Variants in CDCA2 observed in about 807,000 individuals in gnomAD.
The protein encoded by CDCA2 is cell division cycle associated 2.
A neutral mutation model predicts 67.0 loss-of-function variants in CDCA2; 44 were observed. The ratio of observed to expected loss-of-function variants is 0.66; its 90% CI spans 0.52 to 0.84. The LOEUF (loss-of-function observed/expected upper bound fraction) is 0.84. Ranked by LOEUF, CDCA2 falls within the 40% of genes least tolerant of loss-of-function variation. The pLI, the probability that CDCA2 is intolerant of heterozygous loss-of-function variation, is 0.00. For missense variants in CDCA2, 1,253 were observed against 1,203.2 expected, an observed-to-expected ratio of 1.04 and a Z score of -0.61; for synonymous variants, 447 against 418.7, an observed-to-expected ratio of 1.07 and a Z score of -0.82.
chr8:25,474,386 G>A (rs1803269071), intron 7 of CDCA2, among the ~76,000 whole-genome samples: 1 of 152,216 alleles, frequency 6.6e-6, no homozygotes. Flanking sequence ...ATGGAAGTCA[G>A]CAATAAAGCC....
intron 13 of CDCA2, among the ~76,000 whole-genome samples, chr8:25,500,166 ATTCG>A (rs1804416007): frequency 6.6e-6 from 1 of 151,522 alleles, no homozygotes; most frequent in African/African-American, 2.4e-5. Context: ...TCATTCATTC[ATTCG>A]TATTTGTGGA....
chr8:25,469,058 G>T (rs1230558546), intron 6 of CDCA2, among the ~76,000 whole-genome samples: 1 of 152,242 alleles, frequency 6.6e-6, no homozygotes, highest in Non-Finnish European at 1.5e-5. Context: ...GCGCACGCGT[G>T]AATGGAGAGC....
chr8:25,473,996 AGAATAATTAT>A (rs1803256367), intron 7 of CDCA2, among the ~76,000 whole-genome samples: 1 of 152,224 alleles, frequency 6.6e-6, no homozygotes, highest in Non-Finnish European at 1.5e-5. Flanking sequence ...AGAGGGCCAA[AGAATAATTAT>A]GAATAATTTC....
intron 7 of CDCA2, among the ~76,000 whole-genome samples, chr8:25,471,833 G>A (rs1303251864): frequency 6.6e-6 from 1 of 152,158 alleles, no homozygotes; most frequent in Non-Finnish European, 1.5e-5. Flanking sequence ...ATTTTATTTA[G>A]GCATGCCATG....
intron 3 of CDCA2, among the ~76,000 whole-genome samples, chr8:25,460,939 A>ATAATAC (rs1238052446): frequency 8.5e-5 from 13 of 152,208 alleles, no homozygotes; most frequent in Non-Finnish European, 1.8e-4. Flanking sequence ...TTAAGAAAAT[A>ATAATAC]TAATACTGAA....
At chr8:25,484,834 A>G (rs1288568745) in intron 10 of CDCA2, among the ~76,000 whole-genome samples, 1 of 152,142 alleles carries the variant, frequency 6.6e-6, no homozygotes, top group African/African-American at 2.4e-5. Flanking sequence ...ATTCTACACA[A>G]GTGTTTCCAC....
intron 9 of CDCA2, among the ~76,000 whole-genome samples, 178 bp from the exon 10 acceptor site, chr8:25,483,788 G>T (rs993609199): frequency 6.6e-6 from 1 of 152,120 alleles, no homozygotes; most frequent in East Asian, 1.9e-4. Flanking sequence ...AATTGGAAAT[G>T]TGCTTATCTT....
Position 25,497,067 on chromosome 8 carries a change from G to A in CDCA2, c.1672-6306G>A, listed in dbSNP as rs979589721. On this transcript the variant is annotated intron_variant, in intron 13 of 14. Transcript: ENST00000330560. The stretch of plus-strand genomic sequence containing the variant: ...TGGTAAACTCTGGTGAGTGATGGTG[G>A]TAGTTAAATTTAGTCTTACAGTCCC... 1.3e-5 allele frequency among the ~76,000 whole-genome samples: 2 copies of A among 152,092 alleles called. 1 individual carries two copies. The highest frequency in any genetic ancestry group is 2.9e-5 in the Non-Finnish European group (2 of 67,994).
At chr8:25,478,888 G>GTGTA (rs1006353040) in intron 7 of CDCA2, among the ~76,000 whole-genome samples, 4 of 111,596 alleles carry the variant, frequency 3.6e-5, no homozygotes, top group South Asian at 2.8e-4. Flanking sequence ...TTGTGTGTGT[G>GTGTA]TATATATATA....
At chr8:25,490,087 T>G (rs951000818) in intron 13 of CDCA2, among the ~76,000 whole-genome samples, 1 of 152,172 alleles carries the variant, frequency 6.6e-6, no homozygotes, top group Non-Finnish European at 1.5e-5. Flanking sequence ...CCTGCTTTAG[T>G]TCCTTTTTAG....
chr8:25,487,207 G>C (rs1332210637), intron 11 of CDCA2, 39 bp from the exon 12 acceptor site: 3 of 1,277,406 alleles, frequency 2.3e-6, no homozygotes. Context: ...TATAGTTTTT[G>C]GTTTCCTACC....
chr8:25,487,593 A>G (rs1417715357), intron 12 of CDCA2, among the ~76,000 whole-genome samples: 2 of 152,148 alleles, frequency 1.3e-5, no homozygotes, highest in Non-Finnish European at 2.9e-5. Context: ...TACCAAAAAA[A>G]TTAGCCGGAC....
chr8:25,502,831 C>A (rs896349180), intron 13 of CDCA2, among the ~76,000 whole-genome samples: 4 of 152,134 alleles, frequency 2.6e-5, no homozygotes, highest in African/African-American at 7.2e-5. Flanking sequence ...AGCTACCATA[C>A]AATTTATAAA....
At chr8:25,483,058 G>C (rs1803630868) in intron 8 of CDCA2, among the ~76,000 whole-genome samples, 1 of 152,134 alleles carries the variant, frequency 6.6e-6, no homozygotes, top group Non-Finnish European at 1.5e-5. Context: ...ATCTCCCATA[G>C]ATATTGAGCA....
intron 13 of CDCA2, among the ~76,000 whole-genome samples, chr8:25,489,564 G>A (rs1349840413): frequency 6.6e-6 from 1 of 152,048 alleles, no homozygotes; most frequent in Non-Finnish European, 1.5e-5. Context: ...CAGGAGTTGG[G>A]GATAGTACTA....
chr8:25,467,018 G>A (rs1479219422), intron 5 of CDCA2, among the ~76,000 whole-genome samples: 2 of 125,772 alleles, frequency 1.6e-5, no homozygotes, highest in Admixed American at 1.0e-4. Flanking sequence ...CTCCAGCCTG[G>A]GCGAAGAAGT....
intron 7 of CDCA2, among the ~76,000 whole-genome samples, chr8:25,473,159 C>G (rs138397984): frequency 5.3e-5 from 8 of 152,330 alleles, no homozygotes; most frequent in African/African-American, 1.9e-4. Flanking sequence ...CTTCCAGATT[C>G]ATCCATGTTG....
chr8:25,505,402 T>C (rs1403153761), intron 14 of CDCA2, among the ~76,000 whole-genome samples: 2 of 152,118 alleles, frequency 1.3e-5, no homozygotes, highest in Non-Finnish European at 2.9e-5. Flanking sequence ...GGTTTCACCA[T>C]GTTGGCCAGG....
rs754934217 is a variant in CDCA2 at position 25,466,259 on chromosome 8, A to G, written c.472A>G (p.Asn158Asp). ...FQSAFHSIKE[N>D]EKMTGCLEFS... is the part of the protein sequence containing the mutation. ...GTCAGCTTTTCACTCCATAAAGGAA[A>G]ACGAGAAAATGACCGGCTGTCTGGA... is the stretch of plus-strand genomic sequence containing the variant. Residue 158 changes from asparagine (N) to aspartate (D), a missense_variant, in exon 5 of 15, where the codon AAC becomes GAC. Asn to Asp is a conservative substitution (Grantham distance 23). Transcript: ENST00000330560. 3 of 1,610,918 alleles carry G rather than the reference A, an allele frequency of 1.9e-6. No homozygotes were observed. Among genetic ancestry groups the G allele is most frequent in the Admixed American group, 3.4e-5 (2 of 58,860 alleles).
Sources: allele counts gnomAD v4.1 joint callset (sites outside exome capture counted in the v4.1 genomes callset), GRCh38; gene constraint gnomAD v4.1.1; transcripts MANE v1.5; gene names NCBI Gene and HGNC (gene_info 2026-07-23, HGNC 2026-07-21).